HYAL4: variants seen among roughly 807,000 people sequenced by gnomAD.
The protein encoded by HYAL4 is hyaluronidase-4.
A neutral mutation model predicts 35.2 loss-of-function variants in HYAL4; 37 were observed. That is an observed-to-expected ratio of 1.05 (90% CI 0.81 to 1.38). The LOEUF (loss-of-function observed/expected upper bound fraction) is 1.38, where lower values mean the gene tolerates loss of function less well. HYAL4 is among the 40% of genes most tolerant of loss of function. The pLI, the probability that HYAL4 is intolerant of heterozygous loss-of-function variation, is 0.00. For synonymous variants in HYAL4, 198 were observed against 203.2 expected, an observed-to-expected ratio of 0.97 and a Z score of 0.22; for missense variants, 572 against 572.4, an observed-to-expected ratio of 1.00 and a Z score of 0.01.
intron 1 of HYAL4, among the ~76,000 whole-genome samples, chr7:123,830,144 G>A (rs1805858744): frequency 6.6e-6 from 1 of 152,156 alleles, no homozygotes; most frequent in African/African-American, 2.4e-5. Context: ...ATCATGAAAA[G>A]CATTCAGGTT....
the HYAL4 span, among the ~76,000 whole-genome samples, chr7:123,784,510 T>C: frequency 6.6e-6 from 1 of 152,200 alleles, no homozygotes; most frequent in Admixed American, 6.5e-5. Context: ...ATATTCTTAC[T>C]GTTGCTAAAG....
At chr7:123,774,632 A>G in the HYAL4 span, among the ~76,000 whole-genome samples, 1 of 152,148 alleles carries the variant, frequency 6.6e-6, no homozygotes. Flanking sequence ...CAAGCCACTC[A>G]AAAACCCTTC....
chr7:123,868,322 G>C lies in HYAL4; in HGVS notation c.49G>C (p.Val17Leu), dbSNP rs200113405. ...GQLKLCVVQP[V>L]HLTSWLLIFF... ...GTTAAAGCTTTGTGTTGTTCAACCAGTACATCTCACTTCATGGCTCCTTAT... is the reference window on the plus strand; with the variant it reads ...GTTAAAGCTTTGTGTTGTTCAACCACTACATCTCACTTCATGGCTCCTTAT... The change falls in exon 3 of 5, where the codon GTA becomes CTA. Residue 17 changes from valine to leucine, a missense_variant. By Grantham distance (32) the Val-to-Leu change is conservative (BLOSUM62 1). Transcript: ENST00000223026. 1 of 1,591,098 alleles carries C rather than the reference G, an allele frequency of 6.3e-7. No individual in the cohort carries two copies. Among genetic ancestry groups the C allele is most frequent in the East Asian group, 2.2e-5 (1 of 44,802 alleles).
chr7:123,790,967 G>A, the HYAL4 span, among the ~76,000 whole-genome samples: 2 of 152,028 alleles, frequency 1.3e-5, no homozygotes, highest in Admixed American at 6.6e-5. Flanking sequence ...ATTTTGCCAT[G>A]TTAGCCAGGC....
chr7:123,772,214 T>A, the HYAL4 span, among the ~76,000 whole-genome samples: 4 of 152,252 alleles, frequency 2.6e-5, no homozygotes, highest in Non-Finnish European at 4.4e-5. Flanking sequence ...AGTTCAAAGC[T>A]CCAATATGTT....
the HYAL4 span, among the ~76,000 whole-genome samples, chr7:123,821,509 T>C: frequency 6.6e-6 from 1 of 152,162 alleles, no homozygotes; most frequent in Non-Finnish European, 1.5e-5. Flanking sequence ...ATATATATTT[T>C]TTGCTGAGTC....
chr7:123,846,830 C>T (rs1806185020), intron 1 of HYAL4, among the ~76,000 whole-genome samples: 2 of 152,188 alleles, frequency 1.3e-5, no homozygotes, highest in African/African-American at 4.8e-5. Context: ...TTGCTGCTTC[C>T]TCTATCCCTG....
At chr7:123,853,762 C>G (rs929703050) in intron 2 of HYAL4, among the ~76,000 whole-genome samples, 1 of 152,106 alleles carries the variant, frequency 6.6e-6, no homozygotes, top group African/African-American at 2.4e-5. Flanking sequence ...AGGGAGGATT[C>G]CCTGTTTTTC....
chr7:123,809,668 G>C, the HYAL4 span, among the ~76,000 whole-genome samples: 1 of 151,922 alleles, frequency 6.6e-6, no homozygotes, highest in Non-Finnish European at 1.5e-5. Context: ...TAAAGTGCTG[G>C]TATTACTTGT....
the HYAL4 span, among the ~76,000 whole-genome samples, chr7:123,765,219 T>G: frequency 6.6e-6 from 1 of 151,616 alleles, no homozygotes; most frequent in Non-Finnish European, 1.5e-5. Flanking sequence ...AAATTGTCAC[T>G]CTGAGGGTGA....
intron 1 of HYAL4, among the ~76,000 whole-genome samples, chr7:123,847,506 G>A (rs931474177): frequency 1.3e-5 from 2 of 152,014 alleles, no homozygotes; most frequent in Admixed American, 6.6e-5. Flanking sequence ...GGCCTGGAGC[G>A]GTGGTTTACG....
chr7:123,814,250 A>G, the HYAL4 span: 1 of 152,544 alleles, frequency 6.6e-6, no homozygotes, highest in Non-Finnish European at 1.5e-5. Context: ...GCCTTTCAAC[A>G]TTTTCTGGGC....
rs1806968848 is a variant in HYAL4 at position 123,874,796 on chromosome 7, C to T, written c.990C>T (p.Ala330=). 1 of 1,610,676 alleles carries T rather than the reference C, an allele frequency of 6.2e-7. No individual in the cohort carries two copies. The highest frequency in any genetic ancestry group is 8.5e-7 in the Non-Finnish European group (1 of 1,176,842). The change falls in exon 4 of 5, where the codon GCC becomes GCT. Residue 330 remains alanine (A), a synonymous_variant. Coordinates refer to ENST00000223026, the MANE Select transcript of HYAL4 (RefSeq NM_012269.3). ...TCAGCACCATAGGAGAAAGTGCTGC[C>T]TTGGGAGCTGCAGGCATTGTTATTT... The part of the protein sequence containing the change: ...DLVSTIGESA[A]LGAAGIVIWG...
chr7:123,842,028 C>T (rs561957812), upstream of HYAL4, among the ~76,000 whole-genome samples: 3 of 151,748 alleles, frequency 2.0e-5, no homozygotes, highest in Non-Finnish European at 4.4e-5. Flanking sequence ...TTATTTCTGG[C>T]CTTCTGCTAG....
At chr7:123,783,337 A>G in the HYAL4 span, among the ~76,000 whole-genome samples, 145 of 152,266 alleles carry the variant, frequency 9.5e-4, 3 homozygotes, top group East Asian at 0.026. Context: ...GGTTGTTTTC[A>G]TAATTGCATT....
chr7:123,834,630 G>A (rs1473431741), intron 1 of HYAL4, among the ~76,000 whole-genome samples: 1 of 152,128 alleles, frequency 6.6e-6, no homozygotes, highest in African/African-American at 2.4e-5. Context: ...AAGAGAAATG[G>A]TGAGAGTGGG....
upstream of HYAL4, among the ~76,000 whole-genome samples, chr7:123,844,582 G>A (rs892832474): frequency 1.3e-5 from 2 of 152,202 alleles, no homozygotes; most frequent in Non-Finnish European, 2.9e-5. Context: ...AGACAGAGAC[G>A]TTTAAGTCTG....
the HYAL4 span, among the ~76,000 whole-genome samples, chr7:123,786,964 C>G: frequency 6.6e-6 from 1 of 151,676 alleles, no homozygotes; most frequent in Non-Finnish European, 1.5e-5. Context: ...AAAAATTAGC[C>G]GGGCATGGTG....
chr7:123,828,080 C>T (rs1805826337), upstream of HYAL4, among the ~76,000 whole-genome samples: 1 of 151,992 alleles, frequency 6.6e-6, no homozygotes, highest in Non-Finnish European at 1.5e-5. Flanking sequence ...GAGTTAAAGC[C>T]CAATGCTATG....
Sources: allele counts gnomAD v4.1 joint callset (sites outside exome capture counted in the v4.1 genomes callset), GRCh38; gene constraint gnomAD v4.1.1; transcripts MANE v1.5; gene names NCBI Gene and HGNC (gene_info 2026-07-23, HGNC 2026-07-21).